Variants in CDH15 observed in about 807,000 individuals in gnomAD.
CDH15 encodes the protein cadherin 15.
CDH15 carries 73 observed loss-of-function variants against 69.4 expected under a neutral mutation model. That is an observed-to-expected ratio of 1.05 (90% CI 0.87 to 1.28). The LOEUF (loss-of-function observed/expected upper bound fraction) is 1.28, where lower values mean the gene tolerates loss of function less well. Ranked by LOEUF, CDH15 falls within the 50% of genes most tolerant of loss-of-function variation. CDH15 has a pLI of 0.00. For missense variants in CDH15, 1,343 were observed against 1,133.6 expected (o/e 1.18, Z -2.65); for synonymous variants, 624 against 507.7 (o/e 1.23, Z -3.08).
At chr16:89,184,542 G>A (rs1915440648) in intron 4 of CDH15, among the ~76,000 whole-genome samples, 1 of 152,222 alleles carries the variant, frequency 6.6e-6, no homozygotes, top group African/African-American at 2.4e-5. Flanking sequence ...GGCCTACACA[G>A]TCACAGTGCG....
In CDH15 at chr16:89,187,519, G is replaced by T; in HGVS notation, c.754G>T (p.Asp252Tyr). The T allele has an allele frequency of 6.2e-7, 1 of 1,613,714 alleles. No homozygotes were observed. The highest frequency in any genetic ancestry group is 8.5e-7 in the Non-Finnish European group (1 of 1,180,028). ...TGCCTCAGCCATCATCACCCTTGAT[G>T]ACATCAATGACAATGCCCCCGAGTT... ...ATASAIITLD[D>Y]INDNAPEFTR... Residue 252 changes from aspartate to tyrosine, a missense_variant, in exon 6 of 14, where the codon GAC becomes TAC. Physicochemically the swap from Asp to Tyr is radical, Grantham distance 160. Coordinates refer to ENST00000289746, the MANE Select transcript of CDH15 (RefSeq NM_004933.3).
chr16:89,190,264 G>C lies in CDH15; in HGVS notation c.1000G>C (p.Glu334Gln), dbSNP rs1226422922. The change falls in exon 8 of 14, where the codon GAA (glutamate) becomes CAA (glutamine). Residue 334 changes from glutamate to glutamine, a missense_variant. Transcript: ENST00000289746. ...TCAGGCCCTGGACTATGAGAGCTGTGAACACTACGAACTCAAAGTGTCGGT... is the reference window on the plus strand; with the variant it reads ...TCAGGCCCTGGACTATGAGAGCTGTCAACACTACGAACTCAAAGTGTCGGT... ...IVKALDYESCEHYELKVSVQN... is the reference protein window; with the variant it reads ...IVKALDYESCQHYELKVSVQN... 2 of 1,612,568 alleles carry C rather than the reference G, an allele frequency of 1.2e-6. No homozygotes were observed. The highest frequency in any genetic ancestry group is 1.7e-6 in the Non-Finnish European group (2 of 1,179,872).
Position 89,192,254 on chromosome 16 carries a change from C to T in CDH15, c.1665C>T (p.His555=), listed in dbSNP as rs879802247. ...RPRHQVPEGL[H]RLSLLLRDSG... is the part of the protein sequence containing the mutation. The stretch of plus-strand genomic sequence containing the variant: ...GACACCAGGTCCCCGAAGGCCTGCA[C>T]CGCCTCAGCCTGCTGCTCCGGGACT... The change falls in exon 11 of 14, where the codon CAC becomes CAT. Residue 555 remains histidine (H), a synonymous_variant. Coordinates refer to ENST00000289746, the MANE Select transcript of CDH15 (RefSeq NM_004933.3). The T allele has an allele frequency of 1.3e-6, 2 of 1,530,340 alleles. No individual in the cohort carries two copies. The highest frequency in any genetic ancestry group is 2.3e-4 in the Middle Eastern group (1 of 4,436). 94.8% of individuals were successfully genotyped at this position (1,530,340 alleles called of 1,614,324 possible). A position where few individuals can be genotyped will look rare whatever the true frequency, so the allele number is the denominator to read the frequency against.
At position 89,179,602 on chromosome 16, in the gene CDH15, A is replaced by G. The variant is rs778091363; in HGVS notation, c.201+28A>G. The G allele has an allele frequency of 1.8e-5, 28 of 1,546,366 alleles. No individual in the cohort carries two copies. The East Asian group carries it at 5.0e-4, about 28-fold the overall frequency. ...GAGCAGGTGGAGGGGGCAGGAGGGG[A>G]GAAAGGGGTAGGCTGGTCCCCAGTG... On this transcript the variant is annotated intron_variant, in intron 2 of 13. Coordinates refer to ENST00000289746, the MANE Select transcript of CDH15 (RefSeq NM_004933.3).
chr16:89,184,438 A>G (rs1211478046), intron 4 of CDH15, among the ~76,000 whole-genome samples: 1 of 152,118 alleles, frequency 6.6e-6, no homozygotes, highest in African/African-American at 2.4e-5. Flanking sequence ...GGAGAGGGAA[A>G]TGGGGGGAGG....
At chr16:89,190,173 C>A in intron 7 of CDH15, 70 bp from the exon 8 acceptor site, 1 of 1,574,804 alleles carries the variant, frequency 6.3e-7, no homozygotes, top group East Asian at 2.3e-5. Context: ...GAGTGGCTCC[C>A]CCATGGCACC....
chr16:89,180,997 C>CTTTTTTTTTTTTTTTT (rs1567771877), intron 3 of CDH15, among the ~76,000 whole-genome samples: 1 of 70,024 alleles, frequency 1.4e-5, no homozygotes, highest in African/African-American at 6.0e-5. Flanking sequence ...TGAGATGGAG[C>CTTTTTTTTTTTTTTTT]TTCACTCTAC....
intron 8 of CDH15, among the ~76,000 whole-genome samples, chr16:89,190,845 G>A (rs778475305): frequency 6.6e-6 from 1 of 152,098 alleles, no homozygotes; most frequent in Admixed American, 6.5e-5. Flanking sequence ...CCCGGGAAGG[G>A]CCAGCACCAA....
At chr16:89,187,120 C>G (rs775968158) in intron 5 of CDH15, among the ~76,000 whole-genome samples, 1 of 151,054 alleles carries the variant, frequency 6.6e-6, no homozygotes, top group Non-Finnish European at 1.5e-5. Context: ...GCTCTGCAAA[C>G]GCTTACCCAG....
At chr16:89,186,501 T>C (rs2151601613) in intron 5 of CDH15, among the ~76,000 whole-genome samples, 1 of 137,522 alleles carries the variant, frequency 7.3e-6, no homozygotes, top group African/African-American at 2.8e-5. Flanking sequence ...AGGTGCTCTG[T>C]AAACGCTTAC....
At chr16:89,173,165 C>A (rs1915192308) in intron 1 of CDH15, among the ~76,000 whole-genome samples, 1 of 152,164 alleles carries the variant, frequency 6.6e-6, no homozygotes, top group East Asian at 1.9e-4. Flanking sequence ...TGCGTGCTCA[C>A]CCCCCGGCCC....
In CDH15 at chr16:89,185,324, G is replaced by T; in HGVS notation, c.654G>T (p.Leu218=). 1 of 1,601,522 alleles carries T rather than the reference G, an allele frequency of 6.2e-7. No individual in the cohort carries two copies. The highest frequency in any genetic ancestry group is 1.1e-5 in the South Asian group (1 of 89,062). ...AGATCCGCACAGTGCAAGTGGGGCT[G>T]GACCGCGAGGTGAGGTGGCGCCCCG... ...TGEIRTVQVG[L]DREVVAVYNL... is the part of the protein sequence containing the mutation. Residue 218 remains leucine, a synonymous_variant, in exon 5 of 14, where the codon CTG becomes CTT. Coordinates refer to ENST00000289746, the MANE Select transcript of CDH15 (RefSeq NM_004933.3).
chr16:89,180,331 C>T lies in CDH15; in HGVS notation c.333C>T (p.Asp111=), dbSNP rs923171052. The T allele has an allele frequency of 1.9e-6, 3 of 1,612,682 alleles. No individual in the cohort carries two copies. The highest frequency in any genetic ancestry group is 2.5e-6 in the Non-Finnish European group (3 of 1,179,636). ...TGKVFLNAML[D]REKTDRFRLR... ...AGGTCTTCCTCAATGCCATGCTGGA[C>T]CGCGAGAAGACTGATCGCTTCAGGG... The change falls in exon 3 of 14, where the codon GAC becomes GAT. Residue 111 remains aspartate, a synonymous_variant. Coordinates refer to ENST00000289746, the MANE Select transcript of CDH15 (RefSeq NM_004933.3).
intron 8 of CDH15, among the ~76,000 whole-genome samples, 174 bp from the exon 9 acceptor site, chr16:89,191,156 A>C (rs926399147): frequency 6.6e-6 from 1 of 151,874 alleles, no homozygotes; most frequent in African/African-American, 2.4e-5. Context: ...GTGTGCATGC[A>C]TGTGGCATGT....
rs762117025 is a variant in CDH15, at chr16:89,194,982, G to A, written c.2272G>A (p.Asp758Asn). ...GAGCTCCATCCTGTCCAGCCAGGGC[G>A]ATGAGGACCAGGACTACGACTACCT... ...TLSSILSSQGDEDQDYDYLRD... is the reference protein window; with the variant it reads ...TLSSILSSQGNEDQDYDYLRD... Residue 758 changes from aspartate to asparagine, a missense_variant, in exon 14 of 14, where the codon GAT becomes AAT. Transcript: ENST00000289746. The A allele has an allele frequency of 2.6e-5, 42 of 1,611,384 alleles. No homozygotes were observed. Among genetic ancestry groups the A allele is most frequent in the African/African-American group, 4.0e-5 (3 of 74,898 alleles).
At chr16:89,194,112 C>T (rs1410458513) in intron 13 of CDH15, among the ~76,000 whole-genome samples, 199 bp downstream of exon 13, 1 of 152,240 alleles carries the variant, frequency 6.6e-6, no homozygotes, top group Non-Finnish European at 1.5e-5. Context: ...GGGCCCTCAG[C>T]CTCCACCCGC....
At position 89,191,867 on chromosome 16, in the gene CDH15, C is replaced by CG. The variant is rs761696101; in HGVS notation, c.1590dup (p.Asn531GlufsTer126). 4 of 1,592,664 alleles carry CG rather than the reference C, an allele frequency of 2.5e-6. No homozygotes were observed. The highest frequency in any genetic ancestry group is 1.7e-4 in the Middle Eastern group (1 of 5,718). ...GAGCCCCAGGCTCCCAGAGCTCGGC[C>CG]GGAACTGGAGCCTCAGCCAGGTCAA... is the stretch of plus-strand genomic sequence containing the variant. On this transcript the variant is annotated frameshift_variant, in exon 10 of 14. Transcript: ENST00000289746. LOFTEE classifies it high-confidence loss of function.
At position 89,193,540 on chromosome 16, in the gene CDH15, C is replaced by T. The variant is rs761845935; in HGVS notation, c.1926C>T (p.Gly642=). The part of the protein sequence containing the change: ...KQSRGKGLLH[G]PQDDLRDNVL... Reference sequence around the variant, plus strand: ...CTCGGGGCAAGGGGCTGCTGCACGGCCCCCAGGACGACCTTCGAGACAATG... The same window carrying T: ...CTCGGGGCAAGGGGCTGCTGCACGGTCCCCAGGACGACCTTCGAGACAATG... Residue 642 remains glycine (G), a synonymous_variant, in exon 12 of 14, where the codon GGC becomes GGT. Transcript: ENST00000289746. 2 of 1,611,556 alleles carry T rather than the reference C, an allele frequency of 1.2e-6. No individual in the cohort carries two copies. Among genetic ancestry groups the T allele is most frequent in the Admixed American group, 1.7e-5 (1 of 59,904 alleles).
At position 89,183,652 on chromosome 16, in the gene CDH15, G is replaced by C. The variant is rs754561232; in HGVS notation, c.462G>C (p.Gln154His). 1.9e-6 allele frequency: 3 copies of C among 1,612,958 alleles called. No homozygotes were observed. Among genetic ancestry groups the C allele is most frequent in the Non-Finnish European group, 1.7e-6 (2 of 1,179,576 alleles). ...ATGACAACCGGCCAGCCTTCCTGCA[G>C]GAGGCGTTCACTGGCCGCGTGCTGG... ...DQNDNRPAFLQEAFTGRVLEG... is the reference protein window; with the variant it reads ...DQNDNRPAFLHEAFTGRVLEG... The change falls in exon 4 of 14, where the codon CAG (glutamine) becomes CAC (histidine). Residue 154 changes from glutamine to histidine, a missense_variant. Transcript: ENST00000289746.
Sources: gnomAD v4.1 joint callset for allele counts (sites outside exome capture counted in the v4.1 genomes callset) on GRCh38, gnomAD v4.1.1 for gene constraint, MANE v1.5 for transcripts, NCBI Gene and HGNC (gene_info 2026-07-23, HGNC 2026-07-21) for gene names.